CERKL: variants seen among roughly 807,000 people sequenced by gnomAD.
CERKL encodes the protein CERK like autophagy regulator.
Under a neutral mutation model 63.4 loss-of-function variants are expected in CERKL, and 61 were observed. That is an observed-to-expected ratio of 0.96 (90% CI 0.78 to 1.19). The LOEUF (loss-of-function observed/expected upper bound fraction) is 1.19. CERKL is among the 50% of genes most tolerant of loss of function. CERKL has a pLI of 0.00. For missense variants in CERKL, 675 were observed against 655.5 expected (o/e 1.03, Z -0.33); for synonymous variants, 250 against 230.5 (o/e 1.08, Z -0.77).
At chr2:181,617,357 T>C (rs1449845892) in intron 1 of CERKL, 1 of 152,234 alleles carries the variant, frequency 6.6e-6, no homozygotes, top group Non-Finnish European at 1.5e-5. Context: ...CACCACTTTT[T>C]ACTTGAAAGA....
At chr2:181,616,206 ATTT>A (rs35040208) in intron 1 of CERKL, among the ~76,000 whole-genome samples, 67 of 110,044 alleles carry the variant, frequency 6.1e-4, no homozygotes, top group Admixed American at 1.2e-3. Context: ...AAAAATCTAA[ATTT>A]TTTTTTTTTT....
intron 1 of CERKL, among the ~76,000 whole-genome samples, chr2:181,637,852 C>T (rs1687247274): frequency 1.3e-5 from 2 of 151,666 alleles, no homozygotes; most frequent in East Asian, 3.9e-4. Flanking sequence ...TGAATTATTC[C>T]AAGTGTCTTT....
At chr2:181,654,082 T>G (rs1417730737) in intron 1 of CERKL, among the ~76,000 whole-genome samples, 1 of 152,142 alleles carries the variant, frequency 6.6e-6, no homozygotes, top group African/African-American at 2.4e-5. Flanking sequence ...TTAGACCAGC[T>G]GTTGGATCTG....
At chr2:181,624,175 G>T (rs578024353) in intron 1 of CERKL, among the ~76,000 whole-genome samples, 1 of 152,210 alleles carries the variant, frequency 6.6e-6, no homozygotes, top group East Asian at 1.9e-4. Context: ...ACTACATTAA[G>T]GACATTGGAT....
intron 2 of CERKL, among the ~76,000 whole-genome samples, chr2:181,591,680 G>A (rs1684996401): frequency 6.6e-6 from 1 of 152,124 alleles, no homozygotes; most frequent in East Asian, 1.9e-4. Context: ...TCTTAATATG[G>A]AAGAAAGGAT....
At chr2:181,645,769 C>T (rs920485743) in intron 1 of CERKL, among the ~76,000 whole-genome samples, 1 of 152,214 alleles carries the variant, frequency 6.6e-6, no homozygotes, top group African/African-American at 2.4e-5. Flanking sequence ...TCTATATCTA[C>T]AGCTTTATAA....
Position 181,558,486 on chromosome 2 carries a change from GT to G in CERKL, c.820+79del. The G allele has an allele frequency of 6.9e-7, 1 of 1,446,832 alleles. No homozygotes were observed. The highest frequency in any genetic ancestry group is 9.7e-7 in the Non-Finnish European group (1 of 1,035,928). 89.6% of individuals were successfully genotyped at this position (1,446,832 alleles called of 1,614,324 possible). A position where few individuals can be genotyped will look rare whatever the true frequency, so the allele number is the denominator to read the frequency against. On this transcript the variant is annotated intron_variant, in intron 5 of 12. Coordinates refer to ENST00000410087, the MANE Select transcript of CERKL (RefSeq NM_201548.5). The surrounding 1 kb of genome is among the most constrained non-coding windows in gnomAD (Gnocchi z 4.2). ...TTCAAAGTCTGTTCATTAATTCTGT[GT>G]TGTGCTGTCTAGATTAGCAAGTAAG...
At chr2:181,646,565 CCA>C (rs966323214) in intron 1 of CERKL, among the ~76,000 whole-genome samples, 10 of 152,080 alleles carry the variant, frequency 6.6e-5, no homozygotes, top group African/African-American at 2.4e-4. Context: ...TAGATGAGAA[CCA>C]CAGTGTGCAA....
intron 2 of CERKL, among the ~76,000 whole-genome samples, chr2:181,592,486 A>G (rs1685028359): frequency 6.6e-6 from 1 of 152,148 alleles, no homozygotes; most frequent in Non-Finnish European, 1.5e-5. Context: ...TCACTTTTTG[A>G]GTATTTATAT....
chr2:181,585,390 G>C (rs990584205), intron 2 of CERKL, among the ~76,000 whole-genome samples: 2 of 151,976 alleles, frequency 1.3e-5, no homozygotes, highest in African/African-American at 4.8e-5. Flanking sequence ...GAAAACAAAA[G>C]CACAACACTG....
intron 2 of CERKL, among the ~76,000 whole-genome samples, chr2:181,585,637 G>C (rs1007380252): frequency 5.3e-5 from 8 of 152,102 alleles, no homozygotes; most frequent in Non-Finnish European, 1.0e-4. Flanking sequence ...AAGCAATTCA[G>C]TCTCTATCTC....
chr2:181,630,925 T>A (rs1430320310), intron 1 of CERKL, among the ~76,000 whole-genome samples: 2 of 152,264 alleles, frequency 1.3e-5, no homozygotes, highest in African/African-American at 4.8e-5. Flanking sequence ...CATTTCTGTG[T>A]TCCAATATTT....
intron 1 of CERKL, among the ~76,000 whole-genome samples, chr2:181,646,394 C>T (rs1481454409): frequency 1.3e-5 from 2 of 152,182 alleles, no homozygotes; most frequent in African/African-American, 4.8e-5. Flanking sequence ...TTACACAAAC[C>T]TAAATAGCAA....
At chr2:181,622,978 A>G (rs1313475991) in intron 1 of CERKL, among the ~76,000 whole-genome samples, 1 of 152,198 alleles carries the variant, frequency 6.6e-6, no homozygotes, top group Non-Finnish European at 1.5e-5. Context: ...CACTTAACCA[A>G]AACTAAGACA....
intron 2 of CERKL, among the ~76,000 whole-genome samples, chr2:181,585,938 G>C (rs115415780): frequency 6.6e-6 from 1 of 151,954 alleles, no homozygotes; most frequent in Non-Finnish European, 1.5e-5. Context: ...CATCCCCATC[G>C]GGGCACAGAG....
At chr2:181,608,335 T>C (rs375121880) in intron 1 of CERKL, among the ~76,000 whole-genome samples, 1 of 151,374 alleles carries the variant, frequency 6.6e-6, no homozygotes, top group East Asian at 1.9e-4. Flanking sequence ...ATAATATTAG[T>C]TATGGTCTTG....
chr2:181,566,334 G>T (rs1688666007), intron 3 of CERKL, among the ~76,000 whole-genome samples: 1 of 152,130 alleles, frequency 6.6e-6, no homozygotes, highest in African/African-American at 2.4e-5. Flanking sequence ...TCATATATTT[G>T]TTTCAACTAC....
At chr2:181,652,867 T>C (rs901663622) in intron 1 of CERKL, among the ~76,000 whole-genome samples, 4 of 151,936 alleles carry the variant, frequency 2.6e-5, no homozygotes, top group Admixed American at 2.0e-4. Context: ...CTCCACCTCC[T>C]GGGTTCAAGC....
chr2:181,549,034 T>C (rs1000216481), intron 6 of CERKL, among the ~76,000 whole-genome samples, 177 bp from the exon 7 acceptor site: 6 of 152,220 alleles, frequency 3.9e-5, no homozygotes, highest in African/African-American at 1.4e-4. Flanking sequence ...TTACCATTTT[T>C]AACTTGTTCA....
Sources: allele counts gnomAD v4.1 joint callset (sites outside exome capture counted in the v4.1 genomes callset), GRCh38; gene constraint gnomAD v4.1.1; non-coding constraint Gnocchi (gnomAD v3.1); transcripts MANE v1.5; gene names NCBI Gene and HGNC (gene_info 2026-07-23, HGNC 2026-07-21).